The following MLLT3 variants were observed in gnomAD, a reference collection of about 807,000 sequenced individuals.
The protein encoded by MLLT3 is MLLT3 super elongation complex subunit, also known as protein AF-9.
A neutral mutation model predicts 53.2 loss-of-function variants in MLLT3; 4 were observed. The ratio of observed to expected loss-of-function variants is 0.08; its 90% CI spans 0.04 to 0.17. The LOEUF (loss-of-function observed/expected upper bound fraction) is 0.17, where lower values mean the gene tolerates loss of function less well. Ranked by LOEUF, MLLT3 falls within the 10% of genes least tolerant of loss-of-function variation. MLLT3 has a pLI of 1.00. For missense variants in MLLT3, 569 were observed against 684.0 expected (o/e 0.83, Z 1.87); for synonymous variants, 283 against 230.6 (o/e 1.23, Z -2.06).
chr9:20,534,636 C>T (rs563363185), intron 2 of MLLT3, among the ~76,000 whole-genome samples: 1 of 152,190 alleles, frequency 6.6e-6, no homozygotes, highest in Admixed American at 6.5e-5. Flanking sequence ...CACCTGTAAT[C>T]CCAACTTTGG....
chr9:20,483,789 G>C (rs1370918536), intron 2 of MLLT3, among the ~76,000 whole-genome samples: 2 of 142,232 alleles, frequency 1.4e-5, no homozygotes, highest in African/African-American at 2.6e-5. Context: ...CTCACTGCAA[G>C]GTCCGCCTCC....
At chr9:20,469,640 T>C (rs1461908411) in intron 2 of MLLT3, among the ~76,000 whole-genome samples, 1 of 150,662 alleles carries the variant, frequency 6.6e-6, no homozygotes, top group Non-Finnish European at 1.5e-5. Context: ...TCAAACCAAA[T>C]GTTACAGACA....
chr9:20,613,467 A>G (rs1041199802), intron 2 of MLLT3, among the ~76,000 whole-genome samples: 3 of 152,230 alleles, frequency 2.0e-5, no homozygotes, highest in Admixed American at 6.5e-5. Flanking sequence ...AGCTGCATCT[A>G]TAATAGTTAA....
chr9:20,478,078 G>A (rs1276743482), intron 2 of MLLT3, among the ~76,000 whole-genome samples: 1 of 151,906 alleles, frequency 6.6e-6, no homozygotes, highest in Non-Finnish European at 1.5e-5. Context: ...CCTAAACCCT[G>A]CCCTGGGGCT....
At chr9:20,465,410 C>T (rs1304374646) in intron 2 of MLLT3, among the ~76,000 whole-genome samples, 2 of 152,048 alleles carry the variant, frequency 1.3e-5, no homozygotes, top group East Asian at 1.9e-4. Context: ...TATTCTCTTA[C>T]CTAACATGAA....
intron 2 of MLLT3, among the ~76,000 whole-genome samples, chr9:20,599,068 G>A (rs1196233255): frequency 6.6e-6 from 1 of 152,284 alleles, no homozygotes; most frequent in South Asian, 2.1e-4. Flanking sequence ...TACTTTGGGA[G>A]GCCAAGGCGG....
intron 4 of MLLT3, among the ~76,000 whole-genome samples, chr9:20,440,052 T>C (rs1277659960): frequency 6.6e-6 from 1 of 152,128 alleles, no homozygotes; most frequent in Non-Finnish European, 1.5e-5. Context: ...AAAAATATAA[T>C]AAATCTGCAG....
rs562384548 is a variant in MLLT3, at chr9:20,515,300, T to C, written c.194-58514A>G. Among the ~76,000 whole-genome samples, 7 of 152,320 alleles carry C rather than the reference T, an allele frequency of 4.6e-5. No homozygotes were observed. The South Asian group carries it at 1.5e-3, about 32-fold the overall frequency. Reference sequence around the variant, plus strand: ...ATTGTTTATAATAAATGTAACGATGTCACTACTTGTAGGCCAGGGCATTCA... The same window carrying C: ...ATTGTTTATAATAAATGTAACGATGCCACTACTTGTAGGCCAGGGCATTCA... On this transcript the variant is annotated intron_variant, in intron 2 of 10. Coordinates refer to ENST00000380338, the MANE Select transcript of MLLT3 (RefSeq NM_004529.4).
chr9:20,463,159 G>C (rs1340608627), intron 2 of MLLT3, among the ~76,000 whole-genome samples: 1 of 152,016 alleles, frequency 6.6e-6, no homozygotes, highest in African/African-American at 2.4e-5. Context: ...AAGAATTTGA[G>C]ACTCCAAATT....
At chr9:20,380,793 CAG>C (rs1370703714) in intron 5 of MLLT3, among the ~76,000 whole-genome samples, 1 of 151,944 alleles carries the variant, frequency 6.6e-6, no homozygotes, top group Non-Finnish European at 1.5e-5. Flanking sequence ...AAATGCGTAA[CAG>C]AGTACATTCT....
Position 20,595,047 on chromosome 9 carries a change from TA to T in MLLT3, c.193+25606del, listed in dbSNP as rs556212064. On this transcript the variant is annotated intron_variant, in intron 2 of 10. Transcript: ENST00000380338. ...CTTCTCTAATAAACTTACTTTCACT[TA>T]AAAAAAAAATTACTGGGCATGGGGG... is the stretch of plus-strand genomic sequence containing the variant. Among the ~76,000 whole-genome samples the T allele has an allele frequency of 6.3e-3, 950 of 150,132 alleles. 7 individuals carry two copies. Among genetic ancestry groups the T allele is most frequent in the African/African-American group, 0.022 (892 of 41,012 alleles).
chr9:20,408,012 T>C (rs945382825), intron 5 of MLLT3, among the ~76,000 whole-genome samples: 1 of 152,158 alleles, frequency 6.6e-6, no homozygotes, highest in Non-Finnish European at 1.5e-5. Context: ...GAAACAATAA[T>C]GCATTGAATA....
At chr9:20,538,091 T>G (rs10121943) in intron 2 of MLLT3, among the ~76,000 whole-genome samples, 148,591 of 152,278 alleles carry the variant, frequency 0.98, 72,512 homozygotes, top group East Asian at 1. Context: ...AAAAAATTAT[T>G]TGTGCCCCAT....
chr9:20,467,395 T>C (rs1824263324), intron 2 of MLLT3, among the ~76,000 whole-genome samples: 1 of 152,114 alleles, frequency 6.6e-6, no homozygotes, highest in African/African-American at 2.4e-5. Context: ...CTGGCCAACA[T>C]GGTGAAACCC....
At chr9:20,573,174 T>G (rs1286380202) in intron 2 of MLLT3, among the ~76,000 whole-genome samples, 4 of 89,470 alleles carry the variant, frequency 4.5e-5, no homozygotes, top group South Asian at 4.2e-4. Flanking sequence ...TTTTTGTTTG[T>G]TTTTTTTTGT....
intron 2 of MLLT3, among the ~76,000 whole-genome samples, chr9:20,564,392 A>G (rs892654941): frequency 8.6e-5 from 13 of 150,442 alleles, no homozygotes; most frequent in African/African-American, 3.1e-4. Flanking sequence ...AGAAAAGAAG[A>G]ATGAATCTCT....
Position 20,345,707 on chromosome 9 carries a change from T to C in MLLT3, c.*736A>G, listed in dbSNP as rs1468649725. 2.8e-5 allele frequency: 6 copies of C among 217,862 alleles called. No individual in the cohort carries two copies. Among genetic ancestry groups the C allele is most frequent in the Non-Finnish European group, 5.5e-5 (6 of 108,214 alleles). 13.5% of individuals were successfully genotyped at this position (217,862 alleles called of 1,614,324 possible). On this transcript the variant is annotated 3_prime_UTR_variant, in exon 11 of 11. Transcript: ENST00000380338. ...ATCCTATTTGGTGCATTTTCTACCA[T>C]GGTCCAAGATCATTACATGGATACA...
intron 2 of MLLT3, among the ~76,000 whole-genome samples, chr9:20,458,021 A>T (rs1037956771): frequency 6.6e-6 from 1 of 152,002 alleles, no homozygotes; most frequent in Non-Finnish European, 1.5e-5. Flanking sequence ...CTTCATTCCA[A>T]TGCATTTCCC....
chr9:20,584,923 T>G (rs957755664), intron 2 of MLLT3, among the ~76,000 whole-genome samples: 7 of 152,256 alleles, frequency 4.6e-5, no homozygotes, highest in African/African-American at 1.7e-4. Context: ...AAGGACATCT[T>G]GATTGCTTCA....
Sources: allele counts gnomAD v4.1 joint callset (sites outside exome capture counted in the v4.1 genomes callset), GRCh38; gene constraint gnomAD v4.1.1; transcripts MANE v1.5; gene names NCBI Gene and HGNC (gene_info 2026-07-23, HGNC 2026-07-21).